GPC5: variants seen among roughly 807,000 people sequenced by gnomAD.
GPC5 encodes glypican-5.
GPC5 carries 47 observed loss-of-function variants against 53.9 expected under a neutral mutation model. That is an observed-to-expected ratio of 0.87 (90% CI 0.69 to 1.11). The LOEUF is 1.11. Among genes scored for constraint, GPC5 ranks in the 50% most tolerant of loss-of-function variants. The pLI is 0.00. For synonymous variants in GPC5, 286 were observed against 263.3 expected (o/e 1.09, Z -0.84); for missense variants, 748 against 713.1 (o/e 1.05, Z -0.56).
intron 6 of GPC5, among the ~76,000 whole-genome samples, chr13:91,980,601 TGTCC>T (rs201230673): frequency 0.024 from 3,601 of 152,332 alleles, 138 homozygotes; most frequent in African/African-American, 0.082. Flanking sequence ...TATCCCTCGA[TGTCC>T]GATGTCCAGC....
intron 7 of GPC5, among the ~76,000 whole-genome samples, chr13:92,656,380 G>T (rs1226162208): frequency 6.6e-6 from 1 of 152,186 alleles, no homozygotes; most frequent in Non-Finnish European, 1.5e-5. Flanking sequence ...TTTAATTGGG[G>T]TAGAGATGTG....
chr13:92,369,422 C>A (rs559413727), intron 7 of GPC5, among the ~76,000 whole-genome samples: 2 of 152,308 alleles, frequency 1.3e-5, no homozygotes, highest in East Asian at 3.9e-4. Flanking sequence ...AAGTGATCCT[C>A]CCACCAGGGC....
intron 7 of GPC5, among the ~76,000 whole-genome samples, chr13:92,580,302 A>C (rs774041047): frequency 2.6e-5 from 4 of 152,204 alleles, no homozygotes; most frequent in Non-Finnish European, 5.9e-5. Context: ...TAAATAAAAG[A>C]ATAATTATTC....
At chr13:92,707,212 C>G (rs1353207568) in intron 7 of GPC5, among the ~76,000 whole-genome samples, 1 of 152,132 alleles carries the variant, frequency 6.6e-6, no homozygotes, top group Non-Finnish European at 1.5e-5. Context: ...TGAATTGACC[C>G]ATATGTACAT....
intron 5 of GPC5, among the ~76,000 whole-genome samples, chr13:91,816,893 G>A (rs2038408183): frequency 6.6e-6 from 1 of 152,068 alleles, no homozygotes; most frequent in Admixed American, 6.5e-5. Flanking sequence ...ACCTGGGTAT[G>A]GCTCAGTTAA....
chr13:91,542,485 C>T (rs994392537), intron 2 of GPC5, among the ~76,000 whole-genome samples: 1 of 152,166 alleles, frequency 6.6e-6, no homozygotes, highest in African/African-American at 2.4e-5. Context: ...GTCAAAGTTA[C>T]ATTAATGTAT....
At chr13:91,949,133 T>C (rs2040003332) in intron 6 of GPC5, among the ~76,000 whole-genome samples, 1 of 152,216 alleles carries the variant, frequency 6.6e-6, no homozygotes, top group Non-Finnish European at 1.5e-5. Flanking sequence ...GAAATGTTCT[T>C]TGTGTGTTGC....
In GPC5 at chr13:92,712,132, C is replaced by T. The variant is rs548914955; in HGVS notation, c.1562-154150C>T. Among the ~76,000 whole-genome samples the T allele has an allele frequency of 1.4e-4, 21 of 149,936 alleles. No individual in the cohort carries two copies. In the South Asian group the frequency reaches 2.1e-3, roughly 15 times the overall value. On this transcript the variant is annotated intron_variant, in intron 7 of 7. Coordinates refer to ENST00000377067, the MANE Select transcript of GPC5 (RefSeq NM_004466.6). ...GTAAAGATGAAAAAAAAATGATAAA[C>T]CACTAGTGAGACTGACAAAAAAGAT... is the stretch of plus-strand genomic sequence containing the variant.
chr13:92,808,839 A>G (rs1470334937), intron 7 of GPC5, among the ~76,000 whole-genome samples: 2 of 152,082 alleles, frequency 1.3e-5, no homozygotes, highest in Non-Finnish European at 2.9e-5. Context: ...ATTTCCCCAA[A>G]AAAACTTGCC....
intron 6 of GPC5, among the ~76,000 whole-genome samples, chr13:91,981,546 C>T (rs1003596622): frequency 6.6e-6 from 1 of 152,174 alleles, no homozygotes; most frequent in Non-Finnish European, 1.5e-5. Context: ...ACCTCGGCCT[C>T]CCAAAGTGCT....
intron 7 of GPC5, among the ~76,000 whole-genome samples, chr13:92,527,133 A>T (rs1195834240): frequency 8.2e-6 from 1 of 122,046 alleles, no homozygotes; most frequent in Non-Finnish European, 1.7e-5. Flanking sequence ...AGAAAGAAAG[A>T]AAGAAAGAAA....
chr13:91,438,085 T>G (rs2139053898), intron 1 of GPC5, among the ~76,000 whole-genome samples: 1 of 152,314 alleles, frequency 6.6e-6, no homozygotes, highest in South Asian at 2.1e-4. Context: ...TTCAAGGTTT[T>G]TAACTTCTTT....
In GPC5 at chr13:92,811,370, T is replaced by C. The variant is rs1357271506; in HGVS notation, c.1562-54912T>C. On this transcript the variant is annotated intron_variant, in intron 7 of 7. Coordinates refer to ENST00000377067, the MANE Select transcript of GPC5 (RefSeq NM_004466.6). ...ATTCTGCTTTTTTATTTGGTTTCCC[T>C]AATGAATAATGATATTGAGTATCTT... Among the ~76,000 whole-genome samples, 6 of 151,992 alleles carry C rather than the reference T, an allele frequency of 3.9e-5. 1 individual carries two copies. Among genetic ancestry groups the C allele is most frequent in the African/African-American group, 1.5e-4 (6 of 41,278 alleles).
At chr13:92,552,702 G>C (rs1209300047) in intron 7 of GPC5, among the ~76,000 whole-genome samples, 2 of 151,822 alleles carry the variant, frequency 1.3e-5, no homozygotes, top group Non-Finnish European at 2.9e-5. Flanking sequence ...TAGATTTCTT[G>C]GCTCTTTCAC....
intron 6 of GPC5, among the ~76,000 whole-genome samples, chr13:92,086,971 C>T (rs2041341117): frequency 6.6e-6 from 1 of 152,174 alleles, no homozygotes. Flanking sequence ...CCAAATATCT[C>T]TTAAGCACCT....
rs543237240 is a variant in GPC5, at chr13:92,810,157, T to A, written c.1562-56125T>A. 9.3e-5 allele frequency among the ~76,000 whole-genome samples: 14 copies of A among 150,472 alleles called. No individual in the cohort carries two copies. In the South Asian group the frequency reaches 2.5e-3, roughly 27 times the overall value. On this transcript the variant is annotated intron_variant, in intron 7 of 7. Transcript: ENST00000377067. ...TATGGAGGTTATTGAAAAACCCCTA[T>A]ACTTGTGAAATCAAAGATAATTCTA...
intron 5 of GPC5, among the ~76,000 whole-genome samples, chr13:91,780,740 T>C (rs910024064): frequency 6.6e-6 from 1 of 152,238 alleles, no homozygotes; most frequent in Non-Finnish European, 1.5e-5. Flanking sequence ...ATTTGAACAC[T>C]TGCATATAAT....
At chr13:91,523,408 G>C (rs1302670711) in intron 2 of GPC5, among the ~76,000 whole-genome samples, 1 of 152,142 alleles carries the variant, frequency 6.6e-6, no homozygotes, top group Non-Finnish European at 1.5e-5. Context: ...CTTAAGGAAG[G>C]AAATTCTGTC....
At chr13:91,689,034 G>A (rs2035683768) in intron 2 of GPC5, among the ~76,000 whole-genome samples, 1 of 150,822 alleles carries the variant, frequency 6.6e-6, no homozygotes, top group African/African-American at 2.4e-5. Context: ...CTGGCATGGT[G>A]GTCCACACCT....
Sources: allele counts gnomAD v4.1 joint callset (sites outside exome capture counted in the v4.1 genomes callset), GRCh38; gene constraint gnomAD v4.1.1; transcripts MANE v1.5; gene names NCBI Gene and HGNC (gene_info 2026-07-23, HGNC 2026-07-21).